DNAJC3: variants seen among roughly 807,000 people sequenced by gnomAD.
DNAJC3 encodes the protein DnaJ heat shock protein family (Hsp40) member C3, also known as dnaJ homolog subfamily C member 3.
Under a neutral mutation model 68.6 loss-of-function variants are expected in DNAJC3, and 38 were observed. That is an observed-to-expected ratio of 0.55 (90% CI 0.43 to 0.73). The LOEUF (loss-of-function observed/expected upper bound fraction) is 0.73. Ranked by LOEUF, DNAJC3 falls within the 30% of genes least tolerant of loss-of-function variation. The pLI, the probability that DNAJC3 is intolerant of heterozygous loss-of-function variation, is 0.00. For missense variants in DNAJC3, 526 were observed against 591.9 expected (o/e 0.89, Z 1.16); for synonymous variants, 203 against 204.0 (o/e 1.00, Z 0.04).
In DNAJC3 at chr13:95,721,262, A is replaced by G. The variant is rs775695672; in HGVS notation, c.194-1980A>G. The stretch of plus-strand genomic sequence containing the variant: ...TTCATTTCTCTGTAAGGCTGAATGA[A>G]TAACCTGCTGTATGTATGGTATATC... On this transcript the variant is annotated intron_variant, in intron 2 of 11. Transcript: ENST00000602402. Among the ~76,000 whole-genome samples, 10 of 152,200 alleles carry G rather than the reference A, an allele frequency of 6.6e-5. No individual in the cohort carries two copies. In the South Asian group the frequency reaches 1.0e-3, roughly 16 times the overall value.
intron 4 of DNAJC3, among the ~76,000 whole-genome samples, chr13:95,740,460 G>C (rs555121761): frequency 0.029 from 4,449 of 152,188 alleles, 172 homozygotes; most frequent in African/African-American, 0.1. Flanking sequence ...AGCAATCAGC[G>C]AGACTCCGTG....
At chr13:95,746,809 G>A (rs1176554219) in intron 4 of DNAJC3, among the ~76,000 whole-genome samples, 1 of 152,152 alleles carries the variant, frequency 6.6e-6, no homozygotes, top group Non-Finnish European at 1.5e-5. Context: ...TTGAATAGGT[G>A]TAATCTCTTT....
At chr13:95,729,102 G>A (rs973796172) in intron 4 of DNAJC3, among the ~76,000 whole-genome samples, 1 of 151,898 alleles carries the variant, frequency 6.6e-6, no homozygotes, top group African/African-American at 2.4e-5. Context: ...ATAACCTCCA[G>A]TTCCATCCAT....
At chr13:95,760,007 CT>C in intron 5 of DNAJC3, 32 bp from the exon 6 acceptor site, 6 of 1,512,532 alleles carry the variant, frequency 4.0e-6, no homozygotes, top group Non-Finnish European at 5.3e-6. Context: ...ATAATTTATT[CT>C]TTCTTAAAGT....
At chr13:95,728,930 C>T (rs1200576280) in intron 4 of DNAJC3, among the ~76,000 whole-genome samples, 1 of 152,106 alleles carries the variant, frequency 6.6e-6, no homozygotes, top group Non-Finnish European at 1.5e-5. Context: ...ATTAACCTCT[C>T]TTCATCCCCG....
intron 4 of DNAJC3, among the ~76,000 whole-genome samples, chr13:95,747,274 G>A (rs756376211): frequency 2.0e-5 from 3 of 152,216 alleles, no homozygotes; most frequent in Non-Finnish European, 4.4e-5. Context: ...TATATGATAA[G>A]TGTGTGATTG....
chr13:95,677,212 TG>T lies in DNAJC3; in HGVS notation c.-41del. ...CTGCCGGAGCGCCGGCGCGTGCTGG[TG>T]GGCCACACACCTTTCCTCCTCTTCA... On this transcript the variant is annotated 5_prime_UTR_variant, in exon 1 of 12. Coordinates refer to ENST00000602402, the MANE Select transcript of DNAJC3 (RefSeq NM_006260.5). 2 of 1,567,080 alleles carry T rather than the reference TG, an allele frequency of 1.3e-6. No homozygotes were observed. The highest frequency in any genetic ancestry group is 8.7e-7 in the Non-Finnish European group (1 of 1,155,782).
chr13:95,689,228 CTT>C (rs1207490417), intron 1 of DNAJC3, among the ~76,000 whole-genome samples: 2 of 125,316 alleles, frequency 1.6e-5, no homozygotes. Context: ...CTGTCCTGGG[CTT>C]TTTTTTTTTT....
chr13:95,729,037 A>G (rs1432120653), intron 4 of DNAJC3, among the ~76,000 whole-genome samples: 1 of 151,716 alleles, frequency 6.6e-6, no homozygotes, highest in Non-Finnish European at 1.5e-5. Flanking sequence ...TTGCTCCCAC[A>G]TATATGTGAG....
chr13:95,678,367 C>CT (rs981847662), intron 1 of DNAJC3, among the ~76,000 whole-genome samples: 28 of 149,516 alleles, frequency 1.9e-4, no homozygotes, highest in Middle Eastern at 3.4e-3. Context: ...AAGTTCTCAA[C>CT]TTTTTTTTTT....
chr13:95,743,245 A>G (rs1424252376), intron 4 of DNAJC3, among the ~76,000 whole-genome samples: 2 of 152,250 alleles, frequency 1.3e-5, no homozygotes, highest in Admixed American at 1.3e-4. Context: ...GCAAAGAATG[A>G]TCAATGAAGT....
At chr13:95,690,625 C>A (rs1282450065) in intron 1 of DNAJC3, among the ~76,000 whole-genome samples, 2 of 148,874 alleles carry the variant, frequency 1.3e-5, no homozygotes, top group East Asian at 2.0e-4. Context: ...CTGACCCCCC[C>A]ACCTCCCTCC....
intron 9 of DNAJC3, among the ~76,000 whole-genome samples, chr13:95,780,715 T>C (rs1266349827): frequency 6.6e-6 from 1 of 152,210 alleles, no homozygotes. Flanking sequence ...ATGTTTATAT[T>C]GGAGGTCTGA....
At chr13:95,754,958 A>G (rs1594007583) in intron 4 of DNAJC3, among the ~76,000 whole-genome samples, 1 of 152,314 alleles carries the variant, frequency 6.6e-6, no homozygotes, top group Non-Finnish European at 1.5e-5. Flanking sequence ...AGTAAAAAAT[A>G]TAAAATATTG....
At chr13:95,694,925 C>G (rs1295917394) in intron 1 of DNAJC3, 4 of 152,636 alleles carry the variant, frequency 2.6e-5, no homozygotes, top group African/African-American at 9.7e-5. Context: ...GTATTATCCT[C>G]CTACTCAACA....
rs1040279918 is a variant in DNAJC3 at position 95,688,937 on chromosome 13, T to G, written c.82+11600T>G. The stretch of plus-strand genomic sequence containing the variant: ...CCATTTGATTGTGTGGGTGTGTGTG[T>G]GTGTGTGTGTGTGTGTGTGTGTGTG... On this transcript the variant is annotated intron_variant, in intron 1 of 11. Coordinates refer to ENST00000602402, the MANE Select transcript of DNAJC3 (RefSeq NM_006260.5). Among the ~76,000 whole-genome samples, 210 of 148,738 alleles carry G rather than the reference T, an allele frequency of 1.4e-3. 1 individual carries two copies. Among genetic ancestry groups the G allele is most frequent in the African/African-American group, 4.0e-3 (159 of 39,420 alleles).
chr13:95,789,928 CTTT>C lies in DNAJC3; in HGVS notation c.1358-943_1358-941del, dbSNP rs527928052. ...TGATTGTTGGCCGCATATATGTCTT[CTTT>C]TGAGAAGTGTCTGTTCATGTCCTTT... On this transcript the variant is annotated intron_variant, in intron 11 of 11. Transcript: ENST00000602402. Among the ~76,000 whole-genome samples, 458 of 152,208 alleles carry C rather than the reference CTTT, an allele frequency of 3.0e-3. 3 individuals are homozygous for C. The highest frequency in any genetic ancestry group is 0.011 in the African/African-American group (437 of 41,522).
At chr13:95,718,003 T>G (rs1445081727) in intron 2 of DNAJC3, among the ~76,000 whole-genome samples, 1 of 152,248 alleles carries the variant, frequency 6.6e-6, no homozygotes, top group Non-Finnish European at 1.5e-5. Flanking sequence ...TGTTTTATTC[T>G]GGCTAATTTT....
chr13:95,782,156 G>T (rs1285567829), intron 9 of DNAJC3, among the ~76,000 whole-genome samples: 1 of 152,160 alleles, frequency 6.6e-6, no homozygotes, highest in Non-Finnish European at 1.5e-5. Flanking sequence ...TGGCTGCATA[G>T]TATTCCATGG....
Sources: allele counts gnomAD v4.1 joint callset (sites outside exome capture counted in the v4.1 genomes callset), GRCh38; gene constraint gnomAD v4.1.1; transcripts MANE v1.5; gene names NCBI Gene and HGNC (gene_info 2026-07-23, HGNC 2026-07-21).